Variants in WHRN observed in about 807,000 individuals in gnomAD.
The protein encoded by WHRN is whirlin, also known as CASK-interacting protein CIP98.
A neutral mutation model predicts 68.3 loss-of-function variants in WHRN; 41 were observed. That is an observed-to-expected ratio of 0.60 (90% CI 0.47 to 0.78). The LOEUF (loss-of-function observed/expected upper bound fraction) is 0.78, where lower values mean the gene tolerates loss of function less well. Ranked by LOEUF, WHRN falls within the 30% of genes least tolerant of loss-of-function variation. The pLI, the probability that WHRN is intolerant of heterozygous loss-of-function variation, is 0.00. For missense variants in WHRN, 1,243 were observed against 1,244.7 expected (o/e 1.00, Z 0.02); for synonymous variants, 560 against 561.3 (o/e 1.00, Z 0.03).
At chr9:114,465,142 C>G (rs537578319) in intron 3 of WHRN, among the ~76,000 whole-genome samples, 1 of 152,218 alleles carries the variant, frequency 6.6e-6, no homozygotes. Context: ...ACCCAGAGCT[C>G]TTCCCACAAT....
At chr9:114,460,388 ATCTAATG>A in intron 3 of WHRN, among the ~76,000 whole-genome samples, 1 of 152,260 alleles carries the variant, frequency 6.6e-6, no homozygotes, top group South Asian at 2.1e-4. Flanking sequence ...ATAAAAGTGT[ATCTAATG>A]TGTTGAGTAC....
intron 3 of WHRN, among the ~76,000 whole-genome samples, chr9:114,427,110 AG>A (rs1330157967): frequency 6.6e-6 from 1 of 152,124 alleles, no homozygotes; most frequent in East Asian, 1.9e-4. Context: ...AAATAATAAT[AG>A]CCGGGCACAG....
chr9:114,472,533 C>G (rs1447705670), intron 2 of WHRN, among the ~76,000 whole-genome samples: 2 of 152,164 alleles, frequency 1.3e-5, no homozygotes, highest in African/African-American at 4.8e-5. Flanking sequence ...ACGCACACAC[C>G]ACCCTCCCAT....
chr9:114,407,246 G>T (rs1564117533), intron 8 of WHRN, among the ~76,000 whole-genome samples: 2 of 152,176 alleles, frequency 1.3e-5, no homozygotes, highest in Non-Finnish European at 2.9e-5. Flanking sequence ...TTCTTTTTAG[G>T]GGGTGATCTT....
At chr9:114,443,112 A>G (rs1485756767) in intron 3 of WHRN, among the ~76,000 whole-genome samples, 1 of 152,222 alleles carries the variant, frequency 6.6e-6, no homozygotes, top group African/African-American at 2.4e-5. Context: ...AGAAGAAAGC[A>G]GTACTGTTGC....
At chr9:114,433,447 G>A (rs1837586823) in intron 3 of WHRN, among the ~76,000 whole-genome samples, 1 of 152,218 alleles carries the variant, frequency 6.6e-6, no homozygotes, top group Non-Finnish European at 1.5e-5. Flanking sequence ...TCCCAAGCCT[G>A]TGTTAAAATG....
At chr9:114,486,885 AGT>A (rs142516414) in intron 1 of WHRN, among the ~76,000 whole-genome samples, 7,428 of 73,324 alleles carry the variant, frequency 0.1, 1,146 homozygotes, top group African/African-American at 0.32. Context: ...TGATTAAATT[AGT>A]GTGTGTGTGT....
intron 3 of WHRN, among the ~76,000 whole-genome samples, chr9:114,441,597 C>A (rs532390414): frequency 6.6e-6 from 1 of 152,276 alleles, no homozygotes; most frequent in East Asian, 1.9e-4. Flanking sequence ...ATGACAGATG[C>A]ATGTCAAATG....
intron 1 of WHRN, among the ~76,000 whole-genome samples, chr9:114,490,569 C>CTT (rs1353816620): frequency 1.5e-4 from 1 of 6,452 alleles, no homozygotes; most frequent in African/African-American, 1.7e-4. Context: ...CTTCCACCCT[C>CTT]TTTTAAGAGT....
At chr9:114,452,087 TTAC>T (rs537019425) in intron 3 of WHRN, among the ~76,000 whole-genome samples, 248 of 152,356 alleles carry the variant, frequency 1.6e-3, no homozygotes, top group African/African-American at 5.7e-3. Flanking sequence ...CTTATTTCTG[TTAC>T]TACTATTTCC....
In WHRN at chr9:114,411,928, C is replaced by T. The variant is rs1835468002; in HGVS notation, c.1627-3910G>A. Among the ~76,000 whole-genome samples the T allele has an allele frequency of 2.6e-5, 4 of 152,218 alleles. No individual in the cohort carries two copies. In the South Asian group the frequency reaches 8.3e-4, roughly 31 times the overall value. On this transcript the variant is annotated intron_variant, in intron 7 of 11. Transcript: ENST00000362057. The stretch of plus-strand genomic sequence containing the variant: ...CTTGATGTCATAGGAACCTGAGGCC[C>T]CCATGAGCAACCCTCTTGGAAATGA...
chr9:114,467,388 G>A (rs10982233), intron 2 of WHRN, among the ~76,000 whole-genome samples: 32 of 152,238 alleles, frequency 2.1e-4, no homozygotes, highest in African/African-American at 7.2e-4. Context: ...TGAGCAGCGC[G>A]TGACAAAGTG....
intron 9 of WHRN, 106 bp downstream of exon 9, chr9:114,406,249 C>G: frequency 6.6e-7 from 1 of 1,515,746 alleles, no homozygotes; most frequent in Non-Finnish European, 9.1e-7. Flanking sequence ...GCCCTGAGCC[C>G]CCTCAACAAG....
chr9:114,448,996 G>A (rs1229637029), intron 3 of WHRN, among the ~76,000 whole-genome samples: 2 of 152,156 alleles, frequency 1.3e-5, no homozygotes, highest in Admixed American at 6.5e-5. Flanking sequence ...GGTCCCTTGG[G>A]AATCTGTATG....
At chr9:114,503,297 T>G in intron 1 of WHRN, 1 of 675,368 alleles carries the variant, frequency 1.5e-6, no homozygotes, top group Non-Finnish European at 1.8e-6. Context: ...GTGTCCCTTT[T>G]CCCCCAAACT....
chr9:114,475,673 G>T (rs1841590616), intron 2 of WHRN, among the ~76,000 whole-genome samples: 1 of 152,128 alleles, frequency 6.6e-6, no homozygotes, highest in Non-Finnish European at 1.5e-5. Context: ...TGGCTTTTTG[G>T]ACTATCAGAA....
chr9:114,431,986 C>T (rs573128398), intron 3 of WHRN, among the ~76,000 whole-genome samples: 3 of 152,278 alleles, frequency 2.0e-5, no homozygotes, highest in South Asian at 2.1e-4. Flanking sequence ...CAAGTGTGAT[C>T]GAGTGTCTAA....
Position 114,423,355 on chromosome 9 carries a change from T to TG in WHRN, c.1584dup (p.Thr529HisfsTer40), listed in dbSNP as rs777993790. 2 of 1,613,988 alleles carry TG rather than the reference T, an allele frequency of 1.2e-6. No homozygotes were observed. The highest frequency in any genetic ancestry group is 2.2e-5 in the South Asian group (2 of 91,088). On this transcript the variant is annotated frameshift_variant, in exon 7 of 12. Transcript: ENST00000362057. LOFTEE classifies it high-confidence loss of function. ...GTGGTGGAGGTGCCGTGGCTGCCTGTGGATGAACCCGTGTCACTGTAGGAG... is the reference window on the plus strand; with the variant it reads ...GTGGTGGAGGTGCCGTGGCTGCCTGTGGGATGAACCCGTGTCACTGTAGGAG...
Position 114,406,516 on chromosome 9 carries a change from G to A in WHRN, c.2075C>T (p.Pro692Leu), listed in dbSNP as rs760640391. The A allele has an allele frequency of 6.2e-7, 1 of 1,614,092 alleles. No homozygotes were observed. The highest frequency in any genetic ancestry group is 1.1e-5 in the South Asian group (1 of 91,084). ...CCCAGCCACTGTGGCCTCTGCAGAG[G>A]GGCTTTTCAGGTGCGGGGGTGACTG... ...RVQSPPHLKS[P>L]SAEATVAGGC... The change falls in exon 9 of 12, where the codon CCC becomes CTC. Residue 692 changes from proline (P) to leucine (L), a missense_variant. Coordinates refer to ENST00000362057, the MANE Select transcript of WHRN (RefSeq NM_015404.4).
Sources: allele counts gnomAD v4.1 joint callset (sites outside exome capture counted in the v4.1 genomes callset), GRCh38; gene constraint gnomAD v4.1.1; transcripts MANE v1.5; gene names NCBI Gene and HGNC (gene_info 2026-07-23, HGNC 2026-07-21).